CILP: variants seen among roughly 807,000 people sequenced by gnomAD.
The protein encoded by CILP is cartilage intermediate layer protein.
Under a neutral mutation model 82.5 loss-of-function variants are expected in CILP, and 75 were observed. The observed-to-expected ratio is 0.91, with a 90% CI of 0.75 to 1.10. The LOEUF (loss-of-function observed/expected upper bound fraction) is 1.10. Among genes scored for constraint, CILP ranks in the 50% least tolerant of loss-of-function variants. The pLI is 0.00. For missense variants in CILP, 1,479 were observed against 1,530.8 expected, an observed-to-expected ratio of 0.97 and a Z score of 0.56; for synonymous variants, 530 against 580.3, an observed-to-expected ratio of 0.91 and a Z score of 1.25.
At chr15:65,199,895 A>C (rs950918319) in intron 8 of CILP, among the ~76,000 whole-genome samples, 1 of 152,238 alleles carries the variant, frequency 6.6e-6, no homozygotes, top group African/African-American at 2.4e-5. Flanking sequence ...TCAAGAATGC[A>C]ACTACCATAT....
chr15:65,196,986 G>A lies in CILP; in HGVS notation c.3300C>T (p.Ser1100=), dbSNP rs776831829. Residue 1100 remains serine (S), a synonymous_variant, in exon 9 of 9, where the codon TCC becomes TCT. Coordinates refer to ENST00000261883, the MANE Select transcript of CILP (RefSeq NM_003613.4). The part of the protein sequence containing the change: ...IALGRCFDGT[S]DGSSRIMKSN... Reference sequence around the variant, plus strand: ...TCTTCATGATTCTGGAGGAGCCATCGGATGTGCCATCAAAGCACCGGCCGA... The same window carrying A: ...TCTTCATGATTCTGGAGGAGCCATCAGATGTGCCATCAAAGCACCGGCCGA... 2.1e-5 allele frequency: 34 copies of A among 1,614,146 alleles called. No homozygotes were observed. The East Asian group carries it at 4.9e-4, about 23-fold the overall frequency.
At chr15:65,205,843 G>A (rs1406663559) in intron 4 of CILP, among the ~76,000 whole-genome samples, 1 of 152,154 alleles carries the variant, frequency 6.6e-6, no homozygotes, top group Non-Finnish European at 1.5e-5. Flanking sequence ...GGGAAGTCGG[G>A]GCCTGCAACA....
chr15:65,210,272 C>T (rs1414630415), intron 1 of CILP, among the ~76,000 whole-genome samples: 1 of 152,184 alleles, frequency 6.6e-6, no homozygotes, highest in Non-Finnish European at 1.5e-5. Flanking sequence ...ATATTAAGGC[C>T]GTGAAGACTT....
Position 65,197,746 on chromosome 15 carries a change from A to G in CILP, c.2540T>C (p.Ile847Thr), listed in dbSNP as rs138842323. 112 of 1,612,342 alleles carry G rather than the reference A, an allele frequency of 6.9e-5. No individual in the cohort carries two copies. The highest frequency in any genetic ancestry group is 9.3e-5 in the African/African-American group (7 of 74,902). ...GTTGAGATAGGGCTGAGGGACGCCAATTGCATTTGGGTTGAATTTAGGAGA... is the reference window on the plus strand; with the variant it reads ...GTTGAGATAGGGCTGAGGGACGCCAGTTGCATTTGGGTTGAATTTAGGAGA... ...ESSPKFNPNA[I>T]GVPQPYLNKL... Residue 847 changes from isoleucine to threonine, a missense_variant, in exon 9 of 9, where the codon ATT becomes ACT. Ile to Thr is a moderately conservative substitution (Grantham distance 89, BLOSUM62 -1). Coordinates refer to ENST00000261883, the MANE Select transcript of CILP (RefSeq NM_003613.4).
Position 65,207,043 on chromosome 15 carries a change from C to T in CILP, c.163G>A (p.Glu55Lys). The T allele has an allele frequency of 6.2e-7, 1 of 1,611,880 alleles. No homozygotes were observed. Among genetic ancestry groups the T allele is most frequent in the South Asian group, 1.1e-5 (1 of 91,056 alleles). ...KPADTLESPG[E>K]WTTWFNIDYP... ...TCGATGTTGAACCATGTTGTCCACT[C>T]ACCAGGGCCTGAGAGACATAGCCAA... is the stretch of plus-strand genomic sequence containing the variant. Residue 55 changes from glutamate to lysine, a missense_variant, in exon 4 of 9, where the codon GAG becomes AAG. Physicochemically the swap from Glu to Lys is moderately conservative, Grantham distance 56. Transcript: ENST00000261883.
At chr15:65,205,147 C>T in intron 5 of CILP, 140 bp downstream of exon 5, 1 of 778,862 alleles carries the variant, frequency 1.3e-6, no homozygotes, top group East Asian at 2.6e-5. Context: ...CTCATTAGGG[C>T]ACATAGTAGA....
intron 1 of CILP, among the ~76,000 whole-genome samples, chr15:65,210,634 G>A (rs930012795): frequency 1.3e-5 from 2 of 152,168 alleles, no homozygotes; most frequent in African/African-American, 4.8e-5. Context: ...CCAGAGCTCC[G>A]GCCAACCCAG....
At chr15:65,207,919 A>T (rs936778993) in intron 2 of CILP, among the ~76,000 whole-genome samples, 155 bp from the exon 3 acceptor site, 2 of 152,198 alleles carry the variant, frequency 1.3e-5, no homozygotes, top group African/African-American at 4.8e-5. Context: ...GCAATCTCAG[A>T]AAAGCTTTAC....
chr15:65,203,765 C>G (rs911351625), intron 6 of CILP, among the ~76,000 whole-genome samples: 3 of 152,228 alleles, frequency 2.0e-5, no homozygotes, highest in Non-Finnish European at 2.9e-5. Context: ...TGGGACAGAA[C>G]TGACTGTTTT....
intron 7 of CILP, 93 bp from the exon 8 acceptor site, chr15:65,202,122 G>A (rs2088464910): frequency 1.2e-5 from 12 of 1,038,998 alleles, no homozygotes; most frequent in Middle Eastern, 2.6e-4. Context: ...GGAGACAGAT[G>A]ATGAATGGGT....
At chr15:65,200,068 C>A (rs1036721945) in intron 8 of CILP, among the ~76,000 whole-genome samples, 15 of 152,218 alleles carry the variant, frequency 9.9e-5, no homozygotes, top group African/African-American at 3.6e-4. Flanking sequence ...TTTATGGTGA[C>A]CCTGGATTTA....
At chr15:65,207,576 TG>T in intron 3 of CILP, 95 bp downstream of exon 3, 1 of 1,108,984 alleles carries the variant, frequency 9.0e-7, no homozygotes, top group Non-Finnish European at 1.3e-6. Context: ...TGGGTTTCCA[TG>T]GGACCCTGAC....
In CILP at chr15:65,198,679, C is replaced by T. The variant is rs371906183; in HGVS notation, c.1607G>A (p.Arg536Lys). 2.5e-6 allele frequency: 4 copies of T among 1,614,126 alleles called. No homozygotes were observed. The highest frequency in any genetic ancestry group is 2.7e-5 in the African/African-American group (2 of 74,944). Reference protein sequence around the residue: ...FTLHVPQDTERLVLTFVDRLQ... With the variant: ...FTLHVPQDTEKLVLTFVDRLQ... ...CCTGTCCACAAATGTGAGCACCAGC[C>T]TCTCAGTGTCCTGGGGGACATGGAG... Residue 536 changes from arginine to lysine, a missense_variant, in exon 9 of 9, where the codon AGG becomes AAG. Arg to Lys is a conservative substitution (Grantham distance 26, BLOSUM62 2). Coordinates refer to ENST00000261883, the MANE Select transcript of CILP (RefSeq NM_003613.4).
intron 6 of CILP, 147 bp downstream of exon 6, chr15:65,204,120 AG>A: frequency 1.5e-6 from 1 of 651,986 alleles, no homozygotes; most frequent in South Asian, 2.1e-5. Flanking sequence ...GAAGAAATGG[AG>A]GGCCAGATAA....
At position 65,194,866 on chromosome 15, in the gene CILP, C is replaced by T. The variant is rs12903988; in HGVS notation, c.*1865G>A. The T allele has an allele frequency of 7.2e-6, 1 of 138,274 alleles. No individual in the cohort carries two copies. Among genetic ancestry groups the T allele is most frequent in the East Asian group, 2.2e-4 (1 of 4,530 alleles). 8.6% of individuals were successfully genotyped at this position (138,274 alleles called of 1,614,324 possible). On this transcript the variant is annotated 3_prime_UTR_variant, in exon 9 of 9. Coordinates refer to ENST00000261883, the MANE Select transcript of CILP (RefSeq NM_003613.4). The stretch of plus-strand genomic sequence containing the variant: ...CCTTCCCCAGCAACCCACCCCCCCC[C>T]GACCCTCCCCCTCCCCCCGTGAGTT...
chr15:65,205,274 G>A lies in CILP; in HGVS notation c.604+13C>T. 6.3e-7 allele frequency: 1 copy of A among 1,584,230 alleles called. No homozygotes were observed. The highest frequency in any genetic ancestry group is 8.6e-7 in the Non-Finnish European group (1 of 1,157,992). Reference sequence around the variant, plus strand: ...CACCACACCCTGCCCAGTGCCAGGAGGGAGGGTGGTACCTGTACAGTCCTG... The same window carrying A: ...CACCACACCCTGCCCAGTGCCAGGAAGGAGGGTGGTACCTGTACAGTCCTG... On this transcript the variant is annotated intron_variant, in intron 5 of 8. Transcript: ENST00000261883.
intron 4 of CILP, 133 bp from the exon 5 acceptor site, chr15:65,205,599 T>C (rs1299807402): frequency 6.5e-6 from 6 of 923,004 alleles, no homozygotes; most frequent in Non-Finnish European, 9.5e-6. Context: ...CTGATATTTA[T>C]ATTTACTGCA....
rs146295641 is a variant in CILP at position 65,205,324 on chromosome 15, G to A, written c.567C>T (p.Ser189=). 2.5e-4 allele frequency: 410 copies of A among 1,613,986 alleles called. 2 individuals carry two copies. In the African/African-American group the frequency reaches 4.8e-3, roughly 19 times the overall value. The change falls in exon 5 of 9, where the codon AGC becomes AGT. Residue 189 remains serine (S), a synonymous_variant. Coordinates refer to ENST00000261883, the MANE Select transcript of CILP (RefSeq NM_003613.4). ...GGCCCATGCAGTGCTGACCCTCTTC[G>A]CTGGCCTCACTGCACAGCGACACCA... ...AEMVSLCSEA[S]EEGQHCMGQD...
chr15:65,207,821 C>A, intron 2 of CILP, 57 bp from the exon 3 acceptor site: 1 of 1,455,830 alleles, frequency 6.9e-7, no homozygotes, highest in Middle Eastern at 1.7e-4. Context: ...TACAGCATTC[C>A]TCAAGATGCA....
Sources: gnomAD v4.1 joint callset for allele counts (sites outside exome capture counted in the v4.1 genomes callset) on GRCh38, gnomAD v4.1.1 for gene constraint, MANE v1.5 for transcripts, NCBI Gene and HGNC (gene_info 2026-07-23, HGNC 2026-07-21) for gene names.